Variants in FOXP2 observed in about 807,000 individuals in gnomAD.
FOXP2 encodes the protein forkhead box protein P2.
FOXP2 carries 12 observed loss-of-function variants against 115.8 expected under a neutral mutation model. The ratio of observed to expected loss-of-function variants is 0.10; its 90% confidence interval spans 0.07 to 0.17. The LOEUF (loss-of-function observed/expected upper bound fraction) is 0.17. FOXP2 is among the 10% of genes least tolerant of loss of function. The pLI, the probability that FOXP2 is intolerant of heterozygous loss-of-function variation, is 1.00. For synonymous variants in FOXP2, 328 were observed against 297.7 expected (o/e 1.10, Z -1.05); for missense variants, 629 against 843.5 (o/e 0.75, Z 3.15).
intron 16 of FOXP2, among the ~76,000 whole-genome samples, chr7:114,682,328 A>G (rs1230088555): frequency 6.6e-6 from 1 of 152,176 alleles, no homozygotes; most frequent in Non-Finnish European, 1.5e-5. Context: ...CACACTTAGA[A>G]GTTAATCAAA....
chr7:114,290,980 G>C (rs1796575042), intron 2 of FOXP2, among the ~76,000 whole-genome samples: 2 of 151,948 alleles, frequency 1.3e-5, no homozygotes, highest in Admixed American at 1.3e-4. Flanking sequence ...TATTATTCAG[G>C]CCACATGGAA....
chr7:114,153,652 TG>T (rs1792581821), intron 1 of FOXP2, among the ~76,000 whole-genome samples: 1 of 152,162 alleles, frequency 6.6e-6, no homozygotes, highest in African/African-American at 2.4e-5. Context: ...AGTTAACTCT[TG>T]AATGTACCAG....
intron 2 of FOXP2, among the ~76,000 whole-genome samples, chr7:114,351,303 A>G (rs1330451759): frequency 5.3e-5 from 8 of 152,208 alleles, no homozygotes; most frequent in Non-Finnish European, 1.2e-4. Context: ...ATAGAATGCT[A>G]CTGGTAATTT....
chr7:114,274,602 G>GTTTT (rs1796139032), intron 1 of FOXP2, among the ~76,000 whole-genome samples: 1 of 58,018 alleles, frequency 1.7e-5, no homozygotes, highest in Non-Finnish European at 3.9e-5. Context: ...CCCTCTCAAA[G>GTTTT]CTTTTTTTTT....
At chr7:114,126,265 A>G (rs180784228) in intron 1 of FOXP2, among the ~76,000 whole-genome samples, 2 of 152,014 alleles carry the variant, frequency 1.3e-5, no homozygotes, top group African/African-American at 4.8e-5. Context: ...TACTAGGTTT[A>G]TTTATATAAA....
At chr7:114,278,339 G>A (rs996324060) in intron 1 of FOXP2, among the ~76,000 whole-genome samples, 2 of 151,718 alleles carry the variant, frequency 1.3e-5, no homozygotes, top group African/African-American at 4.8e-5. Flanking sequence ...CATTTCATAA[G>A]CCATATACCT....
At chr7:114,525,618 A>C (rs1798818678) in intron 2 of FOXP2, among the ~76,000 whole-genome samples, 1 of 152,094 alleles carries the variant, frequency 6.6e-6, no homozygotes, top group Non-Finnish European at 1.5e-5. Flanking sequence ...TCAAAAGATA[A>C]CCACACCTCT....
At chr7:114,469,955 T>C (rs1380862144) in intron 2 of FOXP2, among the ~76,000 whole-genome samples, 4 of 152,138 alleles carry the variant, frequency 2.6e-5, no homozygotes, top group Admixed American at 2.6e-4. Flanking sequence ...CTTACGATAG[T>C]CCATATTGTT....
At chr7:114,393,572 G>A (rs1050501973) in intron 2 of FOXP2, among the ~76,000 whole-genome samples, 3 of 152,038 alleles carry the variant, frequency 2.0e-5, no homozygotes, top group African/African-American at 7.2e-5. Context: ...TAGGCAGCCT[G>A]GTGTGGGGAG....
chr7:114,104,138 A>G (rs949319012), intron 1 of FOXP2, among the ~76,000 whole-genome samples: 3 of 151,884 alleles, frequency 2.0e-5, no homozygotes, highest in African/African-American at 7.2e-5. Flanking sequence ...TGCTTTACCA[A>G]AATTATGGGC....
Position 114,504,223 on chromosome 7 carries a change from C to A in FOXP2, c.169-30394C>A, listed in dbSNP as rs1797704898. The stretch of plus-strand genomic sequence containing the variant: ...TTGTCAAAATCTTACAGTCTGTACT[C>A]TGCATTAAATGTTATATTGATAATT... On this transcript the variant is annotated intron_variant, in intron 2 of 16. Coordinates refer to ENST00000350908, the MANE Select transcript of FOXP2 (RefSeq NM_014491.4). Among the ~76,000 whole-genome samples, 10 of 151,670 alleles carry A rather than the reference C, an allele frequency of 6.6e-5. No homozygotes were observed. In the South Asian group the frequency reaches 2.1e-3, roughly 31 times the overall value.
intron 3 of FOXP2, among the ~76,000 whole-genome samples, chr7:114,600,024 T>G (rs1475602815): frequency 6.6e-6 from 1 of 152,152 alleles, no homozygotes; most frequent in African/African-American, 2.4e-5. Context: ...AATATGAATA[T>G]GTTATTATTA....
chr7:114,534,163 T>C (rs1799266339), intron 2 of FOXP2, among the ~76,000 whole-genome samples: 1 of 151,928 alleles, frequency 6.6e-6, no homozygotes, highest in Non-Finnish European at 1.5e-5. Flanking sequence ...TCCTTATTAA[T>C]TCACTTTCAA....
At chr7:114,602,159 T>G (rs1277772107) in intron 3 of FOXP2, among the ~76,000 whole-genome samples, 1 of 152,102 alleles carries the variant, frequency 6.6e-6, no homozygotes, top group Non-Finnish European at 1.5e-5. Flanking sequence ...TGTTTTAAAG[T>G]CATTTTATTA....
At chr7:114,518,501 A>T (rs1339089732) in intron 2 of FOXP2, among the ~76,000 whole-genome samples, 1 of 151,756 alleles carries the variant, frequency 6.6e-6, no homozygotes, top group Non-Finnish European at 1.5e-5. Flanking sequence ...TGACCCAAAG[A>T]TTCTATAGAA....
At chr7:114,168,146 T>C (rs1044938279) in intron 1 of FOXP2, among the ~76,000 whole-genome samples, 8 of 152,264 alleles carry the variant, frequency 5.3e-5, no homozygotes, top group Non-Finnish European at 1.2e-4. Context: ...GAAAATGGAC[T>C]AATACAGTAA....
rs1799499152 is a variant in FOXP2, at chr7:114,089,502, T to C, written c.-247+1664T>C. Among the ~76,000 whole-genome samples, 3 of 152,164 alleles carry C rather than the reference T, an allele frequency of 2.0e-5. No individual in the cohort carries two copies. The South Asian group carries it at 6.2e-4, about 32-fold the overall frequency. On this transcript the variant is annotated intron_variant, in intron 1 of 19. Transcript: ENST00000635638. ...AATGTTAGGAATTGCCTGACTCATA[T>C]TTTGGGATATTGTTTTTATATAATT...
chr7:114,413,840 G>A (rs913984641), upstream of FOXP2, among the ~76,000 whole-genome samples: 1 of 152,012 alleles, frequency 6.6e-6, no homozygotes, highest in Non-Finnish European at 1.5e-5. Flanking sequence ...AGTGGTGGCC[G>A]GTTAAAGATC....
At chr7:114,123,761 CTT>C (rs1344112962) in intron 1 of FOXP2, among the ~76,000 whole-genome samples, 1 of 151,966 alleles carries the variant, frequency 6.6e-6, no homozygotes, top group Non-Finnish European at 1.5e-5. Flanking sequence ...TGGTGAAGGT[CTT>C]ATGTTTATTC....
Sources: gnomAD v4.1 joint callset for allele counts (sites outside exome capture counted in the v4.1 genomes callset) on GRCh38, gnomAD v4.1.1 for gene constraint, MANE v1.5 for transcripts, NCBI Gene and HGNC (gene_info 2026-07-23, HGNC 2026-07-21) for gene names.